HMGCLL1: variants seen among roughly 807,000 people sequenced by gnomAD.
The protein encoded by HMGCLL1 is 3-hydroxy-3-methylglutaryl-CoA lyase like 1.
HMGCLL1 carries 36 observed loss-of-function variants against 39.1 expected under a neutral mutation model. The ratio of observed to expected loss-of-function variants is 0.92; its 90% CI spans 0.71 to 1.22. The LOEUF (loss-of-function observed/expected upper bound fraction) is 1.22, where lower values mean the gene tolerates loss of function less well. HMGCLL1 is among the 50% of genes most tolerant of loss of function. The pLI, the probability that HMGCLL1 is intolerant of heterozygous loss-of-function variation, is 0.00. For missense variants in HMGCLL1, 451 were observed against 416.5 expected (o/e 1.08, Z -0.72); for synonymous variants, 149 against 144.0 (o/e 1.03, Z -0.25).
At chr6:55,610,337 T>C in the HMGCLL1 span, among the ~76,000 whole-genome samples, 1 of 152,074 alleles carries the variant, frequency 6.6e-6, no homozygotes, top group East Asian at 1.9e-4. Flanking sequence ...GAGAGGAACA[T>C]AAATGACCTG....
chr6:55,541,801 G>A lies in HMGCLL1; in HGVS notation c.225C>T (p.Ile75=). Residue 75 remains isoleucine (I), a synonymous_variant, in exon 3 of 9, where the codon ATC becomes ATT. Transcript: ENST00000274901. ...ACAAGCCAGTTTGGGAAAGTCGATT[G>A]ATAAATTCAATTTTTATATCTGTAG... ...IVPTDIKIEF[I]NRLSQTGLSV... 1 of 1,607,204 alleles carries A rather than the reference G, an allele frequency of 6.2e-7. No homozygotes were observed. The highest frequency in any genetic ancestry group is 8.5e-7 in the Non-Finnish European group (1 of 1,175,756).
At chr6:55,493,409 T>C (rs1193407165) in intron 7 of HMGCLL1, among the ~76,000 whole-genome samples, 1 of 152,166 alleles carries the variant, frequency 6.6e-6, no homozygotes, top group African/African-American at 2.4e-5. Context: ...ATGTTCCTTA[T>C]CTTGCTTCGG....
the HMGCLL1 span, among the ~76,000 whole-genome samples, chr6:55,589,688 A>G: frequency 0.085 from 12,907 of 152,202 alleles, 727 homozygotes; most frequent in Non-Finnish European, 0.13. Flanking sequence ...TAAGCTGATT[A>G]GCAACTTCAG....
At chr6:55,556,529 A>G (rs1191874978) in intron 1 of HMGCLL1, among the ~76,000 whole-genome samples, 2 of 152,136 alleles carry the variant, frequency 1.3e-5, no homozygotes, top group African/African-American at 4.8e-5. Flanking sequence ...GGAAATAGCA[A>G]ATTGGTATTG....
At chr6:55,472,273 T>C (rs2127404348) in intron 7 of HMGCLL1, among the ~76,000 whole-genome samples, 1 of 151,812 alleles carries the variant, frequency 6.6e-6, no homozygotes, top group East Asian at 1.9e-4. Flanking sequence ...TCCACATTTT[T>C]GCCAGTACTT....
chr6:55,477,248 ATATATAATATATAT>A (rs1437672858), intron 7 of HMGCLL1, among the ~76,000 whole-genome samples: 7 of 20,124 alleles, frequency 3.5e-4, no homozygotes, highest in Non-Finnish European at 2.8e-4. Flanking sequence ...TATTTATATA[ATATATAATATATAT>A]TATATAATAT....
chr6:55,491,835 G>A (rs1766326360), intron 7 of HMGCLL1, among the ~76,000 whole-genome samples: 1 of 151,842 alleles, frequency 6.6e-6, no homozygotes, highest in Admixed American at 6.6e-5. Context: ...GGATCGACAT[G>A]CTCAGAATAA....
At chr6:55,500,019 A>T (rs752680092) in intron 5 of HMGCLL1, among the ~76,000 whole-genome samples, 1 of 152,096 alleles carries the variant, frequency 6.6e-6, no homozygotes, top group Non-Finnish European at 1.5e-5. Context: ...CCAGCTCAAC[A>T]TCAATCCCAT....
the HMGCLL1 span, among the ~76,000 whole-genome samples, chr6:55,670,260 T>G: frequency 1.3e-5 from 2 of 151,854 alleles, no homozygotes; most frequent in Non-Finnish European, 2.9e-5. Flanking sequence ...AAAAATATCC[T>G]TCCATAATGA....
intron 7 of HMGCLL1, among the ~76,000 whole-genome samples, chr6:55,463,710 T>C (rs1020750094): frequency 1.3e-4 from 20 of 152,214 alleles, no homozygotes; most frequent in Admixed American, 4.6e-4. Context: ...TCTCTCCAGA[T>C]GGAATAATCA....
chr6:55,525,889 A>AT (rs1030828057), intron 3 of HMGCLL1, among the ~76,000 whole-genome samples: 24 of 151,698 alleles, frequency 1.6e-4, no homozygotes, highest in East Asian at 1.9e-4. Context: ...TACAAAACAG[A>AT]TTTTTTTTGC....
intron 1 of HMGCLL1, among the ~76,000 whole-genome samples, chr6:55,553,717 C>G (rs1215529278): frequency 6.6e-6 from 1 of 152,052 alleles, no homozygotes. Context: ...AACTTGAAGA[C>G]ATGGGACATT....
rs1173961546 is a variant in HMGCLL1 at position 55,478,342 on chromosome 6, G to A, written c.795+17077C>T. Among the ~76,000 whole-genome samples the A allele has an allele frequency of 1.3e-5, 2 of 151,192 alleles. 1 individual carries two copies. ...GAAAATCAATAAAGGCTTTCGAACA[G>A]AATTTGGTAAGAAATGTATCTTACT... On this transcript the variant is annotated intron_variant, in intron 7 of 8. Transcript: ENST00000274901.
chr6:55,566,388 T>A, intron 1 of HMGCLL1: 1 of 268,574 alleles, frequency 3.7e-6, no homozygotes, highest in Middle Eastern at 4.5e-4. Flanking sequence ...AAAACTTGTG[T>A]TAAAGGCGTT....
the HMGCLL1 span, among the ~76,000 whole-genome samples, chr6:55,613,153 T>C: frequency 9.2e-5 from 14 of 152,260 alleles, no homozygotes; most frequent in East Asian, 2.7e-3. Context: ...CAGACAGTTC[T>C]CAAAAGAAGA....
chr6:55,466,075 G>A (rs1379414722), intron 7 of HMGCLL1, among the ~76,000 whole-genome samples: 2 of 152,132 alleles, frequency 1.3e-5, no homozygotes, highest in East Asian at 3.9e-4. Flanking sequence ...AGACAACATG[G>A]TCCATTTGTA....
chr6:55,633,176 A>G, the HMGCLL1 span, among the ~76,000 whole-genome samples: 1 of 152,074 alleles, frequency 6.6e-6, no homozygotes, highest in Admixed American at 6.6e-5. Context: ...ATGTCATTCA[A>G]ATTTACGTTT....
At chr6:55,599,850 T>C in the HMGCLL1 span, among the ~76,000 whole-genome samples, 20 of 152,324 alleles carry the variant, frequency 1.3e-4, no homozygotes, top group Non-Finnish European at 2.5e-4. Flanking sequence ...GATGCAAGTA[T>C]ACATTTGGTG....
intron 3 of HMGCLL1, among the ~76,000 whole-genome samples, chr6:55,529,492 G>C (rs1356825214): frequency 1.1e-5 from 1 of 91,172 alleles, no homozygotes; most frequent in Non-Finnish European, 2.6e-5. Flanking sequence ...ATAAGACACT[G>C]GCTGTGGAAA....
Sources: gnomAD v4.1 joint callset for allele counts (sites outside exome capture counted in the v4.1 genomes callset) on GRCh38, gnomAD v4.1.1 for gene constraint, MANE v1.5 for transcripts, NCBI Gene and HGNC (gene_info 2026-07-23, HGNC 2026-07-21) for gene names.